Variants in GLG1 observed in about 807,000 individuals in gnomAD.
The protein encoded by GLG1 is Golgi apparatus protein 1.
A neutral mutation model predicts 160.5 loss-of-function variants in GLG1; 38 were observed. The observed-to-expected ratio is 0.24, with a 90% CI of 0.18 to 0.31. GLG1 has a LOEUF of 0.31. Among genes scored for constraint, GLG1 ranks in the 10% least tolerant of loss-of-function variants. The probability of loss-of-function intolerance (pLI) is 1.00; values close to 1 mark genes in which losing one functional copy is unlikely to be tolerated. For missense variants in GLG1, 1,373 were observed against 1,505.2 expected, an observed-to-expected ratio of 0.91 and a Z score of 1.45; for synonymous variants, 644 against 543.4, an observed-to-expected ratio of 1.19 and a Z score of -2.57.
In GLG1 at chr16:74,579,524, C is replaced by G. The variant is rs771627885; in HGVS notation, c.438+27133G>C. On this transcript the variant is annotated intron_variant, in intron 1 of 25. Transcript: ENST00000422840. The stretch of plus-strand genomic sequence containing the variant: ...ATCACCTGAGGTCAGGAGTTCGAGA[C>G]CAGCCTGGCCAACATGGCAAAACCC... Among the ~76,000 whole-genome samples, 341 of 144,728 alleles carry G rather than the reference C, an allele frequency of 2.4e-3. 3 individuals carry two copies. Among genetic ancestry groups the G allele is most frequent in the Non-Finnish European group, 4.8e-4 (32 of 66,136 alleles). The allele number at this position is 144,728 out of a possible 152,430, so 94.9% of individuals were successfully genotyped here.
intron 12 of GLG1, among the ~76,000 whole-genome samples, chr16:74,476,207 G>C (rs2015385988): frequency 6.6e-6 from 1 of 152,002 alleles, no homozygotes; most frequent in South Asian, 2.1e-4. Flanking sequence ...GAATTCTTAA[G>C]TTTAGCTTCT....
At chr16:74,576,895 A>AC (rs1167443976) in intron 1 of GLG1, among the ~76,000 whole-genome samples, 3 of 150,176 alleles carry the variant, frequency 2.0e-5, no homozygotes, top group Non-Finnish European at 4.4e-5. Flanking sequence ...GAAACCATGT[A>AC]CCCTGCATAT....
intron 6 of GLG1, among the ~76,000 whole-genome samples, chr16:74,494,330 C>A (rs541285530): frequency 6.6e-6 from 1 of 150,768 alleles, no homozygotes; most frequent in Admixed American, 6.6e-5. Flanking sequence ...CCTCTGAAAG[C>A]GGTGAGCTTT....
intron 11 of GLG1, among the ~76,000 whole-genome samples, chr16:74,478,880 G>C (rs573695394): frequency 1.7e-5 from 2 of 119,876 alleles, no homozygotes; most frequent in East Asian, 5.3e-4. Context: ...GCCAACAAGA[G>C]TGAAACTCCG....
intron 1 of GLG1, among the ~76,000 whole-genome samples, chr16:74,578,107 TA>T (rs1957856327): frequency 6.6e-6 from 1 of 152,198 alleles, no homozygotes; most frequent in African/African-American, 2.4e-5. Context: ...TTGTCTGAGG[TA>T]TTTTGTTTGT....
Position 74,512,413 on chromosome 16 carries a change from G to A in GLG1, c.472-3488C>T, listed in dbSNP as rs145075140. Among the ~76,000 whole-genome samples the A allele has an allele frequency of 4.4e-3, 671 of 151,894 alleles. 5 individuals are homozygous for A. Among genetic ancestry groups the A allele is most frequent in the Middle Eastern group, 0.034 (10 of 294 alleles). On this transcript the variant is annotated intron_variant, in intron 2 of 25. Coordinates refer to ENST00000422840, the MANE Select transcript of GLG1 (RefSeq NM_001145667.2). ...GTACTAGCTGGGATTACAGGTGTGC[G>A]CCACCACATCCAGCTACATTTTTGA...
At chr16:74,482,534 G>A (rs1294236530) in intron 10 of GLG1, among the ~76,000 whole-genome samples, 1 of 151,258 alleles carries the variant, frequency 6.6e-6, no homozygotes, top group Non-Finnish European at 1.5e-5. Flanking sequence ...ACCGCTTTTT[G>A]TTAACAGAAT....
At chr16:74,470,611 G>A (rs1223765930) in intron 15 of GLG1, among the ~76,000 whole-genome samples, 1 of 151,428 alleles carries the variant, frequency 6.6e-6, no homozygotes, top group Non-Finnish European at 1.5e-5. Flanking sequence ...ATCACGCCAG[G>A]CTAATTTTGT....
chr16:74,459,419 A>G (rs1006739698), intron 23 of GLG1, among the ~76,000 whole-genome samples: 1 of 152,180 alleles, frequency 6.6e-6, no homozygotes, highest in African/African-American at 2.4e-5. Flanking sequence ...CAGAGGTTGC[A>G]GTGAGATCAC....
At chr16:74,508,421 A>T (rs897219465) in intron 3 of GLG1, among the ~76,000 whole-genome samples, 3 of 152,102 alleles carry the variant, frequency 2.0e-5, no homozygotes, top group Non-Finnish European at 2.9e-5. Context: ...TTAAAATCTT[A>T]ACCTTTTTAA....
At chr16:74,535,233 T>C (rs528821753) in intron 1 of GLG1, among the ~76,000 whole-genome samples, 11 of 152,338 alleles carry the variant, frequency 7.2e-5, no homozygotes, top group African/African-American at 2.2e-4. Flanking sequence ...TATCAAAGCC[T>C]TTAAATTAGA....
intron 1 of GLG1, among the ~76,000 whole-genome samples, chr16:74,550,854 T>C (rs2018179600): frequency 6.6e-6 from 1 of 152,160 alleles, no homozygotes; most frequent in South Asian, 2.1e-4. Context: ...ACAAGGGCAG[T>C]AGATGTGAGA....
intron 1 of GLG1, among the ~76,000 whole-genome samples, chr16:74,569,279 T>C (rs1411440366): frequency 6.6e-6 from 1 of 152,188 alleles, no homozygotes; most frequent in Non-Finnish European, 1.5e-5. Context: ...TTCCCTAGCA[T>C]AAGCAAATAA....
rs1170457698 is a variant in GLG1, at chr16:74,452,800, T to TA, written c.*366dup. ...GCGTTACTATATACATTTTTTTCTT[T>TA]AAAAAAATTTTTTTTTTTGGTGGTT... is the stretch of plus-strand genomic sequence containing the variant. On this transcript the variant is annotated 3_prime_UTR_variant, in exon 26 of 26. Transcript: ENST00000422840. 7 of 1,005,274 alleles carry TA rather than the reference T, an allele frequency of 7.0e-6. No homozygotes were observed. The highest frequency in any genetic ancestry group is 9.8e-5 in the East Asian group (1 of 10,250). The allele number at this position is 1,005,274 out of a possible 1,614,324, so 62.3% of individuals were successfully genotyped here. A position where few individuals can be genotyped will look rare whatever the true frequency, so the allele number is the denominator to read the frequency against.
chr16:74,494,933 G>A (rs2016132448), intron 5 of GLG1, 102 bp from the exon 6 acceptor site: 7 of 599,906 alleles, frequency 1.2e-5, no homozygotes, highest in Admixed American at 2.5e-5. Flanking sequence ...GATTATAATC[G>A]TACATACCTT....
At chr16:74,590,298 C>G (rs988390160) in intron 1 of GLG1, among the ~76,000 whole-genome samples, 5 of 151,950 alleles carry the variant, frequency 3.3e-5, no homozygotes, top group African/African-American at 1.2e-4. Context: ...CGTGCCTAGC[C>G]GATAATTTTT....
chr16:74,600,085 T>C (rs1170303810), intron 1 of GLG1, among the ~76,000 whole-genome samples: 4 of 152,010 alleles, frequency 2.6e-5, no homozygotes, highest in African/African-American at 4.8e-5. Context: ...AATCCAGTGT[T>C]AGTGCTTTCT....
chr16:74,550,009 T>C (rs2018155101), intron 1 of GLG1, among the ~76,000 whole-genome samples: 1 of 152,082 alleles, frequency 6.6e-6, no homozygotes, highest in Non-Finnish European at 1.5e-5. Flanking sequence ...CCCAGCTACT[T>C]GGGAGGTTGA....
intron 3 of GLG1, among the ~76,000 whole-genome samples, chr16:74,508,399 GATAA>G (rs2016689284): frequency 6.6e-6 from 1 of 151,238 alleles, no homozygotes; most frequent in African/African-American, 2.4e-5. Flanking sequence ...ACTGGGCCAA[GATAA>G]ATAATTTTTA....
Sources: allele counts gnomAD v4.1 joint callset (sites outside exome capture counted in the v4.1 genomes callset), GRCh38; gene constraint gnomAD v4.1.1; transcripts MANE v1.5; gene names NCBI Gene and HGNC (gene_info 2026-07-23, HGNC 2026-07-21).